TRMT11: variants seen among roughly 807,000 people sequenced by gnomAD.
The protein encoded by TRMT11 is tRNA methyltransferase 11.
Under a neutral mutation model 62.8 loss-of-function variants are expected in TRMT11, and 53 were observed. The observed-to-expected ratio is 0.84, with a 90% CI of 0.68 to 1.06. The LOEUF (loss-of-function observed/expected upper bound fraction) is 1.06. TRMT11 is among the 50% of genes least tolerant of loss of function. The pLI is 0.00. For missense variants in TRMT11, 556 were observed against 553.4 expected, an observed-to-expected ratio of 1.00 and a Z score of -0.05; for synonymous variants, 188 against 190.3, an observed-to-expected ratio of 0.99 and a Z score of 0.10.
chr6:126,205,815 G>A (rs1474836310), downstream of TRMT11, among the ~76,000 whole-genome samples: 1 of 151,838 alleles, frequency 6.6e-6, no homozygotes. Flanking sequence ...GCAGCTAGGG[G>A]TGGGAGAGGC....
intron 1 of TRMT11, among the ~76,000 whole-genome samples, chr6:126,195,712 C>T (rs901445630): frequency 2.4e-4 from 36 of 152,160 alleles, no homozygotes; most frequent in Admixed American, 2.4e-3. Flanking sequence ...GGGGGTGACT[C>T]TTGATTGGTC....
intron 21 of TRMT11, among the ~76,000 whole-genome samples, chr6:126,138,775 T>A (rs1478283995): frequency 6.6e-6 from 1 of 152,116 alleles, no homozygotes; most frequent in Non-Finnish European, 1.5e-5. Context: ...GTTATAATCT[T>A]GAATGATAAC....
intron 9 of TRMT11, among the ~76,000 whole-genome samples, chr6:126,011,710 A>G (rs941790689): frequency 2.0e-5 from 3 of 152,068 alleles, no homozygotes; most frequent in South Asian, 2.1e-4. Flanking sequence ...TTTGAGGCAT[A>G]TATTTAGTAT....
chr6:126,018,325 C>A (rs139851012), intron 11 of TRMT11, among the ~76,000 whole-genome samples: 1 of 152,168 alleles, frequency 6.6e-6, no homozygotes, highest in African/African-American at 2.4e-5. Flanking sequence ...AGTAAATGTT[C>A]AATCAATGCA....
At chr6:126,080,703 T>C (rs1453368822) in intron 17 of TRMT11, among the ~76,000 whole-genome samples, 3 of 152,224 alleles carry the variant, frequency 2.0e-5, no homozygotes, top group Non-Finnish European at 4.4e-5. Context: ...TCCTGTGACC[T>C]AAACTACTCA....
chr6:126,029,252 G>A (rs1424525971), intron 12 of TRMT11, among the ~76,000 whole-genome samples: 7 of 152,076 alleles, frequency 4.6e-5, no homozygotes, highest in Non-Finnish European at 7.4e-5. Flanking sequence ...TTTTTAATGC[G>A]TATTTTTTAC....
the TRMT11 span, among the ~76,000 whole-genome samples, chr6:126,272,079 GTTA>G: frequency 6.6e-6 from 1 of 152,098 alleles, no homozygotes; most frequent in South Asian, 2.1e-4. Flanking sequence ...AATGTACATA[GTTA>G]TTATTATAGA....
intron 17 of TRMT11, among the ~76,000 whole-genome samples, chr6:126,103,454 A>G (rs1022013059): frequency 2.6e-5 from 4 of 152,228 alleles, no homozygotes; most frequent in Non-Finnish European, 4.4e-5. Context: ...TATTTCTGTA[A>G]TTACAATTCT....
intron 17 of TRMT11, among the ~76,000 whole-genome samples, chr6:126,078,671 C>G (rs1777089297): frequency 6.6e-6 from 1 of 152,154 alleles, no homozygotes; most frequent in Admixed American, 6.5e-5. Context: ...GTAGCCCCAT[C>G]AGAGGAGCCG....
chr6:126,138,069 C>T (rs900106858), intron 21 of TRMT11, among the ~76,000 whole-genome samples: 1 of 151,652 alleles, frequency 6.6e-6, no homozygotes, highest in Non-Finnish European at 1.5e-5. Context: ...TTATAGTTAA[C>T]AATAATTTAT....
chr6:126,092,008 C>G (rs1777282687), intron 17 of TRMT11, among the ~76,000 whole-genome samples: 1 of 152,030 alleles, frequency 6.6e-6, no homozygotes, highest in Non-Finnish European at 1.5e-5. Context: ...TCTACGAGTC[C>G]TAAGAAACAT....
chr6:126,268,930 T>C, the TRMT11 span, among the ~76,000 whole-genome samples: 1 of 151,944 alleles, frequency 6.6e-6, no homozygotes, highest in Non-Finnish European at 1.5e-5. Context: ...TAAAATAATA[T>C]GATAGAATTG....
At chr6:126,045,940 G>C (rs766805176) in intron 16 of TRMT11, among the ~76,000 whole-genome samples, 3 of 152,080 alleles carry the variant, frequency 2.0e-5, no homozygotes, top group Non-Finnish European at 4.4e-5. Flanking sequence ...GTTGCTTTCA[G>C]AGAGCATTGG....
Position 126,012,999 on chromosome 6 carries a change from G to A in TRMT11, c.1037G>A (p.Ser346Asn). The change falls in exon 11 of 13, where the codon AGT becomes AAT. Residue 346 changes from serine (S) to asparagine (N), a missense_variant. Physicochemically the swap from Ser to Asn is conservative, Grantham distance 46. Coordinates refer to ENST00000334379, the MANE Select transcript of TRMT11 (RefSeq NM_001031712.3). ...GAAAGCCATGTTCCTGTTTCCTTGA[G>A]TTATCATCTGAGTGATATGTTTCTT... ...CPESHVPVSL[S>N]YHLSDMFLDL... 2 of 1,613,534 alleles carry A rather than the reference G, an allele frequency of 1.2e-6. No homozygotes were observed. Among genetic ancestry groups the A allele is most frequent in the Non-Finnish European group, 1.7e-6 (2 of 1,179,710 alleles).
At chr6:126,068,292 C>A (rs1049042547) in intron 17 of TRMT11, among the ~76,000 whole-genome samples, 17 of 152,066 alleles carry the variant, frequency 1.1e-4, no homozygotes, top group African/African-American at 4.1e-4. Context: ...GGCAGTTAAA[C>A]ATTATTTTTC....
At chr6:126,022,084 G>A (rs1437639144) in intron 12 of TRMT11, among the ~76,000 whole-genome samples, 1 of 140,402 alleles carries the variant, frequency 7.1e-6, no homozygotes, top group Admixed American at 7.3e-5. Flanking sequence ...TTTTGAGACG[G>A]AGTTTCCCTC....
chr6:126,091,072 C>T (rs1442454810), intron 17 of TRMT11, among the ~76,000 whole-genome samples: 4 of 151,798 alleles, frequency 2.6e-5, no homozygotes, highest in Admixed American at 2.6e-4. Flanking sequence ...TAGCAGGGTG[C>T]GGTGGCAGGC....
At chr6:126,142,911 G>A (rs1414031709) in intron 21 of TRMT11, among the ~76,000 whole-genome samples, 4 of 152,044 alleles carry the variant, frequency 2.6e-5, no homozygotes, top group Admixed American at 2.0e-4. Flanking sequence ...TAAAAGGTCC[G>A]TCTTAGAGAA....
At chr6:126,226,906 A>G in the TRMT11 span, among the ~76,000 whole-genome samples, 1 of 152,176 alleles carries the variant, frequency 6.6e-6, no homozygotes, top group Non-Finnish European at 1.5e-5. Context: ...TTCTCATGAC[A>G]GTGAATAAGT....
Sources: gnomAD v4.1 joint callset for allele counts (sites outside exome capture counted in the v4.1 genomes callset) on GRCh38, gnomAD v4.1.1 for gene constraint, MANE v1.5 for transcripts, NCBI Gene and HGNC (gene_info 2026-07-23, HGNC 2026-07-21) for gene names.